LUZP2: variants seen among roughly 807,000 people sequenced by gnomAD.
LUZP2 encodes the protein leucine zipper protein 2.
LUZP2 carries 52 observed loss-of-function variants against 51.6 expected under a neutral mutation model. The observed-to-expected ratio is 1.01, with a 90% CI of 0.81 to 1.27. The LOEUF (loss-of-function observed/expected upper bound fraction) is 1.27. Ranked by LOEUF, LUZP2 falls within the 50% of genes most tolerant of loss-of-function variation. The pLI, the probability that LUZP2 is intolerant of heterozygous loss-of-function variation, is 0.00. For synonymous variants in LUZP2, 154 were observed against 137.3 expected (o/e 1.12, Z -0.85); for missense variants, 436 against 395.4 (o/e 1.10, Z -0.87).
At chr11:24,921,712 A>C (rs759827989) in intron 7 of LUZP2, among the ~76,000 whole-genome samples, 7 of 152,154 alleles carry the variant, frequency 4.6e-5, no homozygotes, top group Non-Finnish European at 1.0e-4. Flanking sequence ...AGGCATTAAA[A>C]CATATACAGG....
chr11:25,004,885 A>G (rs1856791092), intron 9 of LUZP2, among the ~76,000 whole-genome samples: 1 of 152,154 alleles, frequency 6.6e-6, no homozygotes, highest in Non-Finnish European at 1.5e-5. Context: ...CTAAGATACC[A>G]GGTATCTCCA....
At chr11:24,527,977 T>G (rs573213669) in intron 1 of LUZP2, among the ~76,000 whole-genome samples, 1 of 151,312 alleles carries the variant, frequency 6.6e-6, no homozygotes, top group African/African-American at 2.4e-5. Flanking sequence ...AACTGCAAAT[T>G]CACAGGGCTG....
At chr11:24,551,181 A>G (rs1275840477) in intron 1 of LUZP2, among the ~76,000 whole-genome samples, 1 of 152,100 alleles carries the variant, frequency 6.6e-6, no homozygotes, top group Non-Finnish European at 1.5e-5. Flanking sequence ...GATAAAATAA[A>G]AGTCATAAAA....
chr11:24,983,553 T>G (rs1006813789), intron 9 of LUZP2, among the ~76,000 whole-genome samples: 6 of 151,696 alleles, frequency 4.0e-5, no homozygotes, highest in Non-Finnish European at 8.8e-5. Flanking sequence ...AAACAAAAAC[T>G]AATAATGTTG....
intron 1 of LUZP2, among the ~76,000 whole-genome samples, chr11:24,625,637 G>A (rs1365105693): frequency 6.6e-6 from 1 of 151,908 alleles, no homozygotes; most frequent in Admixed American, 6.6e-5. Flanking sequence ...TCTGTTTGCT[G>A]AGGTGAAGAA....
intron 5 of LUZP2, among the ~76,000 whole-genome samples, chr11:24,859,027 G>T (rs1483063815): frequency 6.6e-6 from 1 of 152,100 alleles, no homozygotes; most frequent in Non-Finnish European, 1.5e-5. Flanking sequence ...AAATTAGCCA[G>T]TATAGGGCAG....
chr11:24,985,408 T>C (rs1403131808), intron 9 of LUZP2, among the ~76,000 whole-genome samples: 6 of 151,726 alleles, frequency 4.0e-5, no homozygotes, highest in African/African-American at 1.4e-4. Context: ...AAAATAATAT[T>C]CTTTCGAATA....
chr11:24,918,554 ACG>A (rs1853879505), intron 7 of LUZP2, among the ~76,000 whole-genome samples: 1 of 151,884 alleles, frequency 6.6e-6, no homozygotes, highest in African/African-American at 2.4e-5. Context: ...TATTGATGGG[ACG>A]TATCTCAAAA....
Position 24,774,362 on chromosome 11 carries a change from C to CTCTCTCTCTCTCTCTCTCTATA in LUZP2, c.396+11055_396+11056insCTCTCTCTCTCTCTCTCTATAT, listed in dbSNP as rs776739280. On this transcript the variant is annotated intron_variant, in intron 5 of 11. Coordinates refer to ENST00000336930, the MANE Select transcript of LUZP2 (RefSeq NM_001009909.4). ...TCTCTCTCTCTCTCTCTCTCTCTCT[C>CTCTCTCTCTCTCTCTCTCTATA]TATATATATATATATATATACATAC... is the stretch of plus-strand genomic sequence containing the variant. Among the ~76,000 whole-genome samples the CTCTCTCTCTCTCTCTCTCTATA allele has an allele frequency of 2.4e-3, 182 of 76,284 alleles. 2 individuals carry two copies. The highest frequency in any genetic ancestry group is 7.2e-3 in the East Asian group (15 of 2,074). The allele number at this position is 76,284 out of a possible 152,430, so 50.0% of individuals were successfully genotyped here. A position where few individuals can be genotyped will look rare whatever the true frequency, so the allele number is the denominator to read the frequency against.
chr11:25,002,470 C>T (rs142509342), intron 9 of LUZP2, among the ~76,000 whole-genome samples: 267 of 152,290 alleles, frequency 1.8e-3, no homozygotes, highest in Middle Eastern at 3.4e-3. Context: ...CAAGGAATAG[C>T]ACCTGGTATC....
rs75243241 is a variant in LUZP2, at chr11:25,073,922, C to T, written c.859-3407C>T. Reference sequence around the variant, plus strand: ...TTCTAATTTTACCCTTAAATTAATTCCATAAAGAAGCAGACCCATTTTACA... The same window carrying T: ...TTCTAATTTTACCCTTAAATTAATTTCATAAAGAAGCAGACCCATTTTACA... On this transcript the variant is annotated intron_variant, in intron 10 of 11. Coordinates refer to ENST00000336930, the MANE Select transcript of LUZP2 (RefSeq NM_001009909.4). Among the ~76,000 whole-genome samples the T allele has an allele frequency of 6.9e-3, 1,057 of 152,232 alleles. 35 individuals are homozygous for T. In the East Asian group the frequency reaches 0.1, roughly 14 times the overall value.
At chr11:24,638,946 G>T (rs1480979696) in intron 1 of LUZP2, among the ~76,000 whole-genome samples, 1 of 151,466 alleles carries the variant, frequency 6.6e-6, no homozygotes, top group African/African-American at 2.4e-5. Context: ...GTTAAAAAAA[G>T]ATTTTAAAAA....
At chr11:24,737,600 T>C (rs944169960) in intron 3 of LUZP2, among the ~76,000 whole-genome samples, 2 of 152,102 alleles carry the variant, frequency 1.3e-5, no homozygotes, top group African/African-American at 4.8e-5. Flanking sequence ...CATCACTCTT[T>C]TTAAAAAGGG....
chr11:24,500,265 T>A (rs1387745443), intron 1 of LUZP2, among the ~76,000 whole-genome samples: 2 of 152,148 alleles, frequency 1.3e-5, no homozygotes, highest in Non-Finnish European at 2.9e-5. Context: ...AAAAGAGCTG[T>A]TTAATGTCCT....
intron 1 of LUZP2, among the ~76,000 whole-genome samples, chr11:24,711,325 C>T (rs1308733397): frequency 6.6e-6 from 1 of 152,042 alleles, no homozygotes; most frequent in African/African-American, 2.4e-5. Context: ...CGGCGGGTGC[C>T]TGCAGTCCCA....
chr11:24,748,015 C>T (rs185429857), intron 4 of LUZP2, among the ~76,000 whole-genome samples: 23 of 152,252 alleles, frequency 1.5e-4, no homozygotes, highest in South Asian at 2.1e-4. Flanking sequence ...CTTTGTTCTT[C>T]CCCTTCCTGT....
intron 7 of LUZP2, among the ~76,000 whole-genome samples, chr11:24,920,481 A>G (rs1854009349): frequency 6.6e-6 from 1 of 152,082 alleles, no homozygotes; most frequent in Non-Finnish European, 1.5e-5. Context: ...ATCAAAACTT[A>G]TCTGCACTCA....
At chr11:25,017,128 T>C (rs1404820296) in intron 9 of LUZP2, among the ~76,000 whole-genome samples, 1 of 152,182 alleles carries the variant, frequency 6.6e-6, no homozygotes, top group Non-Finnish European at 1.5e-5. Flanking sequence ...ATTATTTGTT[T>C]TTTCTTGCTG....
At chr11:24,550,124 G>C (rs1851681450) in intron 1 of LUZP2, among the ~76,000 whole-genome samples, 1 of 151,986 alleles carries the variant, frequency 6.6e-6, no homozygotes, top group African/African-American at 2.4e-5. Flanking sequence ...CTGTTTTACT[G>C]TTGTGTACAG....
Sources: allele counts gnomAD v4.1 joint callset (sites outside exome capture counted in the v4.1 genomes callset), GRCh38; gene constraint gnomAD v4.1.1; transcripts MANE v1.5; gene names NCBI Gene and HGNC (gene_info 2026-07-23, HGNC 2026-07-21).